CELSR1: variants seen among roughly 807,000 people sequenced by gnomAD.
The protein encoded by CELSR1 is adhesion G protein-coupled receptor C1.
A neutral mutation model predicts 249.1 loss-of-function variants in CELSR1; 110 were observed. That is an observed-to-expected ratio of 0.44 (90% CI 0.38 to 0.52). CELSR1 has a LOEUF of 0.52. CELSR1 is among the 20% of genes least tolerant of loss of function. The probability of loss-of-function intolerance (pLI) is 0.00; values close to 1 mark genes in which losing one functional copy is unlikely to be tolerated. For synonymous variants in CELSR1, 2,113 were observed against 1,900.0 expected, an observed-to-expected ratio of 1.11 and a Z score of -2.92; for missense variants, 4,109 against 4,296.4, an observed-to-expected ratio of 0.96 and a Z score of 1.22.
chr22:46,395,368 G>C lies in CELSR1; in HGVS notation c.5844-1106C>G, dbSNP rs1438004218. On this transcript the variant is annotated intron_variant, in intron 13 of 34. Coordinates refer to ENST00000674500, the MANE Select transcript of CELSR1 (RefSeq NM_001378328.1). The surrounding 1 kb of genome is among the most constrained non-coding windows in gnomAD (Gnocchi z 5.5). ...CACGGCCTCCACACAGCCGAATTCT[G>C]TTCCTGGCTTGCGGGCCCACCTCTG... Among the ~76,000 whole-genome samples, 1 of 152,070 alleles carries C rather than the reference G, an allele frequency of 6.6e-6. No individual in the cohort carries two copies. The highest frequency in any genetic ancestry group is 1.5e-5 in the Non-Finnish European group (1 of 68,008).
intron 5 of CELSR1, among the ~76,000 whole-genome samples, chr22:46,432,197 G>A (rs992730484): frequency 2.0e-5 from 3 of 152,242 alleles, no homozygotes; most frequent in Non-Finnish European, 2.9e-5. Context: ...CAGATGGGAG[G>A]GGCGGGCCAG....
chr22:46,469,291 G>T (rs145533522), intron 1 of CELSR1, among the ~76,000 whole-genome samples: 2 of 152,224 alleles, frequency 1.3e-5, no homozygotes, highest in African/African-American at 4.8e-5. Flanking sequence ...TCTGTCCTGT[G>T]GTCTGCGTGA....
rs2079661690 is a variant in CELSR1, at chr22:46,436,399, A to C, written c.4407-110T>G. ...GGGCAAGCACGTGGGGCTACGATTCAGGAAAGAATGGTGTCAGGCATGCGT... is the reference window on the plus strand; with the variant it reads ...GGGCAAGCACGTGGGGCTACGATTCCGGAAAGAATGGTGTCAGGCATGCGT... On this transcript the variant is annotated intron_variant, in intron 3 of 34. Transcript: ENST00000674500. This position sits in a 1 kb window ranked among gnomAD's most constrained non-coding sequence, Gnocchi z 5.9. 1 of 693,590 alleles carries C rather than the reference A, an allele frequency of 1.4e-6. No individual in the cohort carries two copies. Among genetic ancestry groups the C allele is most frequent in the East Asian group, 2.7e-5 (1 of 36,814 alleles). 43.0% of individuals were successfully genotyped at this position (693,590 alleles called of 1,614,324 possible). A position where few individuals can be genotyped will look rare whatever the true frequency, so the allele number is the denominator to read the frequency against.
chr22:46,489,384 T>C (rs1039310636), intron 1 of CELSR1, among the ~76,000 whole-genome samples: 2 of 151,092 alleles, frequency 1.3e-5, no homozygotes, highest in African/African-American at 4.9e-5. Flanking sequence ...GAAATTGCAA[T>C]CCGTCACCAC....
rs747743485 is a variant in CELSR1 at position 46,378,688 on chromosome 22, C to T, written c.7286G>A (p.Arg2429Gln). 1.7e-5 allele frequency: 28 copies of T among 1,612,322 alleles called. No homozygotes were observed. Among genetic ancestry groups the T allele is most frequent in the African/African-American group, 5.3e-5 (4 of 74,948 alleles). The change falls in exon 23 of 35, where the codon CGG (arginine) becomes CAG (glutamine). Residue 2429 changes from arginine to glutamine, a missense_variant. This residue lies in a region of CELSR1 where 1,805 missense variants were observed against 1,831.6 expected (regional missense o/e 0.99). Coordinates refer to ENST00000674500, the MANE Select transcript of CELSR1 (RefSeq NM_001378328.1). ...GTTCCTGGACAGGAGCTCGCAGCCC[C>T]GGGCAGACCACCCTCCCGTCCCACC... ...AVGGTGGWSA[R>Q]GCELLSRNRT... is the part of the protein sequence containing the mutation.
rs1406361788 is a variant in CELSR1 at position 46,415,628 on chromosome 22, A to AT, written c.4612-3870_4612-3869insA. Among the ~76,000 whole-genome samples the AT allele has an allele frequency of 3.7e-5, 5 of 133,618 alleles. No individual in the cohort carries two copies. In the East Asian group the frequency reaches 9.8e-4, roughly 26 times the overall value. The allele number at this position is 133,618 out of a possible 152,430, so 87.7% of individuals were successfully genotyped here. A position where few individuals can be genotyped will look rare whatever the true frequency, so the allele number is the denominator to read the frequency against. ...CTTCACCTCAATAAGGAAAAAATTA[A>AT]AAAAAAAAAAAGATTCCTGGGTGGG... is the stretch of plus-strand genomic sequence containing the variant. On this transcript the variant is annotated intron_variant, in intron 5 of 34. Transcript: ENST00000674500.
In CELSR1 at chr22:46,471,862, G is replaced by A. The variant is rs755749423; in HGVS notation, c.3545-7517C>T. On this transcript the variant is annotated intron_variant, in intron 1 of 34. Transcript: ENST00000674500. This position sits in a 1 kb window ranked among gnomAD's most constrained non-coding sequence, Gnocchi z 4.9. ...GTGGCTTCCAGCCTTCCCTGGGTCT[G>A]GGACCTGTACAGTTTTCAGGGGCTG... Among the ~76,000 whole-genome samples, 2 of 152,168 alleles carry A rather than the reference G, an allele frequency of 1.3e-5. No individual in the cohort carries two copies. The highest frequency in any genetic ancestry group is 2.9e-5 in the Non-Finnish European group (2 of 68,034).
Position 46,411,680 on chromosome 22 carries a change from G to T in CELSR1, c.4691C>A (p.Thr1564Lys), listed in dbSNP as rs1376305395. Residue 1564 changes from threonine (T) to lysine (K), a missense_variant, in exon 6 of 35, where the codon ACA (threonine) becomes AAA (lysine). By Grantham distance (78) the Thr-to-Lys change is moderately conservative (BLOSUM62 -1). This residue lies in a region of CELSR1 where 453 missense variants were observed against 492.0 expected (regional missense o/e 0.92). Transcript: ENST00000674500. This position sits in a 1 kb window ranked among gnomAD's most constrained non-coding sequence, Gnocchi z 4.2. ...MAVVTVDDCD[T>K]TMAVRFGKDI... is the part of the protein sequence containing the mutation. ...CTTTCCAAAGCGCACAGCCATGGTT[G>T]TGTCACAATCATCCACTGTCACCAC... The T allele has an allele frequency of 1.2e-6, 2 of 1,614,218 alleles. No individual in the cohort carries two copies. Among genetic ancestry groups the T allele is most frequent in the Non-Finnish European group, 1.7e-6 (2 of 1,180,040 alleles).
chr22:46,536,911 G>A lies in CELSR1; in HGVS notation c.260C>T (p.Pro87Leu). 8.4e-7 allele frequency: 1 copy of A among 1,188,778 alleles called. No individual in the cohort carries two copies. The highest frequency in any genetic ancestry group is 1.0e-6 in the Non-Finnish European group (1 of 959,502). The allele number at this position is 1,188,778 out of a possible 1,614,324, so 73.6% of individuals were successfully genotyped here. Residue 87 changes from proline (P) to leucine (L), a missense_variant, in exon 1 of 35, where the codon CCG becomes CTG. Pro to Leu is a moderately conservative substitution (Grantham distance 98). This residue lies in a region of CELSR1 where 673 missense variants were observed against 636.8 expected (regional missense o/e 1.06). Coordinates refer to ENST00000674500, the MANE Select transcript of CELSR1 (RefSeq NM_001378328.1). ...GCGGGCCACCAAGCGGACTTGCAGCGGCAGCGGGCGCCCCGCGCCCGAGAC... is the reference window on the plus strand; with the variant it reads ...GCGGGCCACCAAGCGGACTTGCAGCAGCAGCGGGCGCCCCGCGCCCGAGAC... ...RRVSGAGRPL[P>L]LQVRLVARSA...
chr22:46,508,782 C>T (rs1474852024), intron 1 of CELSR1, among the ~76,000 whole-genome samples: 1 of 152,182 alleles, frequency 6.6e-6, no homozygotes, highest in Non-Finnish European at 1.5e-5. Context: ...ATGGGAATGC[C>T]GAGACACGCC....
intron 9 of CELSR1, among the ~76,000 whole-genome samples, chr22:46,403,688 A>G (rs538007376): frequency 6.6e-6 from 1 of 152,336 alleles, no homozygotes; most frequent in Non-Finnish European, 1.5e-5. Context: ...AAAACTGGCT[A>G]GAGGCCAGGC....
Position 46,437,687 on chromosome 22 carries a change from G to A in CELSR1, c.4407-1398C>T, listed in dbSNP as rs2079680044. Among the ~76,000 whole-genome samples the A allele has an allele frequency of 6.6e-6, 1 of 151,212 alleles. No individual in the cohort carries two copies. Among genetic ancestry groups the A allele is most frequent in the African/African-American group, 2.4e-5 (1 of 40,920 alleles). Reference sequence around the variant, plus strand: ...AATTGCTTGAACCTGGGAGGCGGAAGTTGCAGTGAGCCGAGATCATACCAC... The same window carrying A: ...AATTGCTTGAACCTGGGAGGCGGAAATTGCAGTGAGCCGAGATCATACCAC... On this transcript the variant is annotated intron_variant, in intron 3 of 34. Coordinates refer to ENST00000674500, the MANE Select transcript of CELSR1 (RefSeq NM_001378328.1). This position sits in a 1 kb window ranked among gnomAD's most constrained non-coding sequence, Gnocchi z 4.9.
In CELSR1 at chr22:46,473,100, C is replaced by A. The variant is rs1045956943; in HGVS notation, c.3545-8755G>T. 6.6e-6 allele frequency among the ~76,000 whole-genome samples: 1 copy of A among 152,006 alleles called. No homozygotes were observed. The highest frequency in any genetic ancestry group is 6.6e-5 in the Admixed American group (1 of 15,264). On this transcript the variant is annotated intron_variant, in intron 1 of 34. Coordinates refer to ENST00000674500, the MANE Select transcript of CELSR1 (RefSeq NM_001378328.1). This position sits in a 1 kb window ranked among gnomAD's most constrained non-coding sequence, Gnocchi z 6.6. ...GGGTGGGTGAACCTCCGACTGCTGCCGGCCTCGTGGGCTCTCGGTGCAGGA... is the reference window on the plus strand; with the variant it reads ...GGGTGGGTGAACCTCCGACTGCTGCAGGCCTCGTGGGCTCTCGGTGCAGGA...
chr22:46,456,718 T>G (rs931002663), intron 2 of CELSR1, among the ~76,000 whole-genome samples: 98 of 134,926 alleles, frequency 7.3e-4, no homozygotes, highest in African/African-American at 2.7e-3. Flanking sequence ...ACAGCTGGAG[T>G]GACGTACACA....
rs773501262 is a variant in CELSR1 at position 46,417,218 on chromosome 22, AGAC to A, written c.4612-5462_4612-5460del. On this transcript the variant is annotated intron_variant, in intron 5 of 34. Coordinates refer to ENST00000674500, the MANE Select transcript of CELSR1 (RefSeq NM_001378328.1). The surrounding 1 kb of genome is among the most constrained non-coding windows in gnomAD (Gnocchi z 4.1). ...AGACCCCGTGCCAGTTCTGGCATGGAGACGACAAGCTCTCCCTCGGAGGCAGCC... is the reference window on the plus strand; with the variant it reads ...AGACCCCGTGCCAGTTCTGGCATGGAGACAAGCTCTCCCTCGGAGGCAGCC... 3.9e-4 allele frequency among the ~76,000 whole-genome samples: 60 copies of A among 152,190 alleles called. No individual in the cohort carries two copies. Among genetic ancestry groups the A allele is most frequent in the Admixed American group, 9.8e-4 (15 of 15,288 alleles).
chr22:46,421,010 G>A (rs78483331), intron 5 of CELSR1, among the ~76,000 whole-genome samples: 2,671 of 152,252 alleles, frequency 0.018, 81 homozygotes, highest in African/African-American at 0.061. Flanking sequence ...GAGAGATGCT[G>A]GGTCCATGGC....
chr22:46,450,723 C>A (rs144803708), intron 2 of CELSR1, among the ~76,000 whole-genome samples: 1 of 152,158 alleles, frequency 6.6e-6, no homozygotes, highest in African/African-American at 2.4e-5. Context: ...GACCAGGAGG[C>A]GAGATTGCAG....
intron 2 of CELSR1, among the ~76,000 whole-genome samples, chr22:46,456,434 C>T (rs1453594037): frequency 2.6e-5 from 4 of 151,984 alleles, no homozygotes; most frequent in Non-Finnish European, 5.9e-5. Context: ...CCAAGGCGGG[C>T]AGATCACGAG....
chr22:46,512,598 T>C lies in CELSR1; in HGVS notation c.3544+21029A>G, dbSNP rs750230981. On this transcript the variant is annotated intron_variant, in intron 1 of 34. Transcript: ENST00000674500. The surrounding 1 kb of genome is among the most constrained non-coding windows in gnomAD (Gnocchi z 5.2). ...ACAACAACAAAAAATCAAGGCCCAATACTATGCATTGCCTTGACATCTGCT... is the reference window on the plus strand; with the variant it reads ...ACAACAACAAAAAATCAAGGCCCAACACTATGCATTGCCTTGACATCTGCT... 1.3e-5 allele frequency among the ~76,000 whole-genome samples: 2 copies of C among 151,976 alleles called. No individual in the cohort carries two copies. Among genetic ancestry groups the C allele is most frequent in the Admixed American group, 6.6e-5 (1 of 15,262 alleles).
Sources: gnomAD v4.1 joint callset for allele counts (sites outside exome capture counted in the v4.1 genomes callset) on GRCh38, gnomAD v4.1.1 for gene constraint, gnomAD v4.1.1 regional missense constraint, Gnocchi (gnomAD v3.1) non-coding constraint, MANE v1.5 for transcripts, NCBI Gene and HGNC (gene_info 2026-07-23, HGNC 2026-07-21) for gene names.